The following KDM2A variants were observed in gnomAD, a reference collection of about 807,000 sequenced individuals.
KDM2A encodes lysine-specific demethylase 2A.
In KDM2A, 3 loss-of-function variants were observed where a neutral mutation model predicts 137.3. The observed-to-expected ratio is 0.02, with a 90% CI of 0.01 to 0.06. KDM2A has a LOEUF of 0.06. Ranked by LOEUF, KDM2A falls within the 10% of genes least tolerant of loss-of-function variation. The pLI is 1.00. For missense variants in KDM2A, 738 were observed against 1,510.6 expected (o/e 0.49, Z 8.48); for synonymous variants, 512 against 541.5 (o/e 0.95, Z 0.76).
rs186761070 is a variant in KDM2A, at chr11:67,214,326, T to C, written c.487-1014T>C. Among the ~76,000 whole-genome samples, 78 of 149,852 alleles carry C rather than the reference T, an allele frequency of 5.2e-4. 1 individual carries two copies. The East Asian group carries it at 0.015, about 29-fold the overall frequency. On this transcript the variant is annotated intron_variant, in intron 6 of 20. Coordinates refer to ENST00000529006, the MANE Select transcript of KDM2A (RefSeq NM_012308.3). ...TTCATGCCATTCTCCTGCCTCAGCC[T>C]CCCGAGTAGCTGGGACTACGGGCGC...
rs186745303 is a variant in KDM2A at position 67,196,904 on chromosome 11, A to G, written c.308-10606A>G. 16 of 152,922 alleles carry G rather than the reference A, an allele frequency of 1.0e-4. No individual in the cohort carries two copies. The South Asian group carries it at 1.2e-3, about 11-fold the overall frequency. The allele number at this position is 152,922 out of a possible 1,614,324, so 9.5% of individuals were successfully genotyped here. ...TTTTACTACCATTTTTTACAAGTTG[A>G]AAAAAAAATAGACTCCTGGATATAG... On this transcript the variant is annotated intron_variant, in intron 5 of 20. Coordinates refer to ENST00000529006, the MANE Select transcript of KDM2A (RefSeq NM_012308.3).
Position 67,249,995 on chromosome 11 carries a change from T to A in KDM2A, c.2056-91T>A, listed in dbSNP as rs145118240. The A allele has an allele frequency of 5.3e-4, 559 of 1,045,130 alleles. 6 individuals carry two copies. In the East Asian group the frequency reaches 0.012, roughly 22 times the overall value. The allele number at this position is 1,045,130 out of a possible 1,614,324, so 64.7% of individuals were successfully genotyped here. On this transcript the variant is annotated intron_variant, in intron 16 of 20. Coordinates refer to ENST00000529006, the MANE Select transcript of KDM2A (RefSeq NM_012308.3). ...CCAACGTGACCTTTCTTCTCTCTGG[T>A]CCCCTGAGAGCAAGGGAGGTCCACC... is the stretch of plus-strand genomic sequence containing the variant.
At chr11:67,131,178 G>T (rs1169841783) in intron 2 of KDM2A, among the ~76,000 whole-genome samples, 1 of 151,882 alleles carries the variant, frequency 6.6e-6, no homozygotes, top group Non-Finnish European at 1.5e-5. Context: ...TACAAAATTA[G>T]CTGGGCATGG....
At chr11:67,153,813 C>G (rs1275401767) in intron 2 of KDM2A, among the ~76,000 whole-genome samples, 1 of 79,568 alleles carries the variant, frequency 1.3e-5, no homozygotes, top group Admixed American at 1.6e-4. Context: ...GACCCTGTCT[C>G]AAAAAAAAAA....
At chr11:67,200,294 C>T (rs1178128060) in intron 5 of KDM2A, among the ~76,000 whole-genome samples, 2 of 152,052 alleles carry the variant, frequency 1.3e-5, no homozygotes, top group African/African-American at 4.8e-5. Flanking sequence ...CAGCTCACTG[C>T]AAGCTCCACC....
chr11:67,145,812 A>G (rs1856230506), intron 2 of KDM2A, among the ~76,000 whole-genome samples: 1 of 148,584 alleles, frequency 6.7e-6, no homozygotes, highest in Middle Eastern at 3.2e-3. Flanking sequence ...TGAATCATAC[A>G]TTTTCCTTCC....
At chr11:67,228,408 C>G (rs1001281169) in intron 11 of KDM2A, among the ~76,000 whole-genome samples, 1 of 152,202 alleles carries the variant, frequency 6.6e-6, no homozygotes, top group Middle Eastern at 3.4e-3. Context: ...GAAGGATGAT[C>G]AAGCCGGACA....
intron 15 of KDM2A, among the ~76,000 whole-genome samples, chr11:67,246,591 A>G (rs1356134207): frequency 6.6e-6 from 1 of 152,050 alleles, no homozygotes; most frequent in Admixed American, 6.5e-5. Flanking sequence ...AAAAGTAATA[A>G]AAAGTAATAA....
intron 15 of KDM2A, 38 bp downstream of exon 15, chr11:67,246,154 A>G: frequency 7.4e-6 from 12 of 1,610,878 alleles, no homozygotes; most frequent in Non-Finnish European, 1.0e-5. Flanking sequence ...AGTCTCAGCT[A>G]ATGGAGTGAG....
Position 67,255,589 on chromosome 11 carries a change from T to G in KDM2A, c.*534T>G, listed in dbSNP as rs1565429994. The stretch of plus-strand genomic sequence containing the variant: ...AGACCCGTGCCGATCACACTGGTGC[T>G]GTTGAGATCTCCCAAACCTCACGTC... On this transcript the variant is annotated 3_prime_UTR_variant, in exon 21 of 21. Coordinates refer to ENST00000529006, the MANE Select transcript of KDM2A (RefSeq NM_012308.3). 1 of 456,712 alleles carries G rather than the reference T, an allele frequency of 2.2e-6. No individual in the cohort carries two copies. The highest frequency in any genetic ancestry group is 2.0e-5 in the African/African-American group (1 of 50,206). 28.3% of individuals were successfully genotyped at this position (456,712 alleles called of 1,614,324 possible).
At position 67,255,303 on chromosome 11, in the gene KDM2A, C is replaced by T; in HGVS notation, c.*248C>T. Reference sequence around the variant, plus strand: ...ATCTGAGGGGAAAGCACAGGCTGTGCTGTCGAGGCGCCTGCTCGCTTACTC... The same window carrying T: ...ATCTGAGGGGAAAGCACAGGCTGTGTTGTCGAGGCGCCTGCTCGCTTACTC... On this transcript the variant is annotated 3_prime_UTR_variant, in exon 21 of 21. Coordinates refer to ENST00000529006, the MANE Select transcript of KDM2A (RefSeq NM_012308.3). 1.9e-6 allele frequency: 1 copy of T among 536,938 alleles called. No individual in the cohort carries two copies. Among genetic ancestry groups the T allele is most frequent in the Admixed American group, 3.0e-5 (1 of 33,676 alleles). 33.3% of individuals were successfully genotyped at this position (536,938 alleles called of 1,614,324 possible).
chr11:67,235,014 G>A (rs995037601), intron 12 of KDM2A, among the ~76,000 whole-genome samples: 4 of 151,708 alleles, frequency 2.6e-5, no homozygotes, highest in African/African-American at 2.4e-5. Context: ...GTGTCTTGGC[G>A]GGCGCCTGTA....
intron 2 of KDM2A, among the ~76,000 whole-genome samples, chr11:67,160,758 T>A (rs1856616118): frequency 6.7e-6 from 1 of 150,096 alleles, no homozygotes; most frequent in Non-Finnish European, 1.5e-5. Flanking sequence ...GCAAAAAGAG[T>A]GAAACTCCAT....
At position 67,187,963 on chromosome 11, in the gene KDM2A, G is replaced by A. The variant is rs892212234; in HGVS notation, c.307+6071G>A. ...AAATCCCAGCACTTTGGGAGGCTGA[G>A]GCAGGACTGCTTGAAGCCAGGAATT... is the stretch of plus-strand genomic sequence containing the variant. On this transcript the variant is annotated intron_variant, in intron 5 of 20. Coordinates refer to ENST00000529006, the MANE Select transcript of KDM2A (RefSeq NM_012308.3). Among the ~76,000 whole-genome samples the A allele has an allele frequency of 2.0e-5, 3 of 152,172 alleles. No homozygotes were observed. In the South Asian group the frequency reaches 6.2e-4, roughly 31 times the overall value.
chr11:67,239,218 G>A (rs1435417655), intron 12 of KDM2A, among the ~76,000 whole-genome samples: 1 of 152,164 alleles, frequency 6.6e-6, no homozygotes, highest in Non-Finnish European at 1.5e-5. Flanking sequence ...CTGGAATTGG[G>A]AGAATGTGTG....
chr11:67,246,552 C>T (rs960953813), intron 15 of KDM2A, among the ~76,000 whole-genome samples: 1 of 151,580 alleles, frequency 6.6e-6, no homozygotes, highest in African/African-American at 2.4e-5. Flanking sequence ...GTATCAGACT[C>T]AGTGCAGAGC....
At chr11:67,194,058 A>G (rs1857422772) in intron 5 of KDM2A, among the ~76,000 whole-genome samples, 1 of 151,992 alleles carries the variant, frequency 6.6e-6, no homozygotes, top group African/African-American at 2.4e-5. Flanking sequence ...ATTTAATCTC[A>G]TTTCTTTGAG....
chr11:67,255,758 T>C lies in KDM2A; in HGVS notation c.*703T>C, dbSNP rs544823937. 2.8e-6 allele frequency: 1 copy of C among 352,174 alleles called. No homozygotes were observed. Among genetic ancestry groups the C allele is most frequent in the Non-Finnish European group, 5.7e-6 (1 of 175,968 alleles). 21.8% of individuals were successfully genotyped at this position (352,174 alleles called of 1,614,324 possible). ...GAGGTCCTTATTGCACTTATTGGGG[T>C]TGAAGCTCTTCAGAGGAGCTGGAAC... On this transcript the variant is annotated 3_prime_UTR_variant, in exon 21 of 21. Transcript: ENST00000529006.
At chr11:67,181,784 A>G in intron 4 of KDM2A, 62 bp from the exon 5 acceptor site, 2 of 1,456,938 alleles carry the variant, frequency 1.4e-6, no homozygotes, top group Non-Finnish European at 9.6e-7. Context: ...TTAAGAAAAA[A>G]AACTCACATT....
Sources: allele counts gnomAD v4.1 joint callset (sites outside exome capture counted in the v4.1 genomes callset), GRCh38; gene constraint gnomAD v4.1.1; transcripts MANE v1.5; gene names NCBI Gene and HGNC (gene_info 2026-07-23, HGNC 2026-07-21).